The following OGDH variants were observed in gnomAD, a reference collection of about 807,000 sequenced individuals.
OGDH encodes the protein 2-oxoglutarate dehydrogenase complex component E1.
Under a neutral mutation model 116.6 loss-of-function variants are expected in OGDH, and 38 were observed. That is an observed-to-expected ratio of 0.33 (90% CI 0.25 to 0.43). OGDH has a LOEUF of 0.43. OGDH is among the 20% of genes least tolerant of loss of function. The pLI is 1.00. For synonymous variants in OGDH, 488 were observed against 533.3 expected (o/e 0.92, Z 1.17); for missense variants, 825 against 1,357.2 (o/e 0.61, Z 6.16).
At position 44,645,414 on chromosome 7, in the gene OGDH, C is replaced by G; in HGVS notation, c.310C>G (p.Leu104Val). The part of the protein sequence containing the change: ...QSPLPLSRGS[L>V]AAVAHAQSLV... ...TCCCCTTCCCCTGAGCCGAGGCTCC[C>G]TGGCTGCTGTGGCCCATGCACAGTC... Residue 104 changes from leucine to valine, a missense_variant, in exon 3 of 23, where the codon CTG (leucine) becomes GTG (valine). This residue lies in a region of OGDH where 126 missense variants were observed against 130.4 expected (regional missense o/e 0.97). Transcript: ENST00000222673. 1.9e-6 allele frequency: 3 copies of G among 1,614,210 alleles called. No individual in the cohort carries two copies. The highest frequency in any genetic ancestry group is 2.5e-6 in the Non-Finnish European group (3 of 1,180,028).
At chr7:44,613,390 T>G (rs1354849729) in intron 1 of OGDH, among the ~76,000 whole-genome samples, 1 of 152,188 alleles carries the variant, frequency 6.6e-6, no homozygotes, top group Non-Finnish European at 1.5e-5. Flanking sequence ...AGACGGAGTC[T>G]CACTCTGTCA....
At chr7:44,686,171 G>T (rs929896558) in intron 10 of OGDH, among the ~76,000 whole-genome samples, 1 of 151,628 alleles carries the variant, frequency 6.6e-6, no homozygotes, top group Non-Finnish European at 1.5e-5. Flanking sequence ...TATTGCACTG[G>T]CTAGGACCTC....
intron 5 of OGDH, among the ~76,000 whole-genome samples, chr7:44,672,795 A>G (rs1787525896): frequency 6.6e-6 from 1 of 151,712 alleles, no homozygotes; most frequent in Non-Finnish European, 1.5e-5. Context: ...GGCACATGCC[A>G]CCATACCTGG....
intron 1 of OGDH, 130 bp downstream of exon 1, chr7:44,606,783 G>C (rs900647386): frequency 6.6e-6 from 1 of 152,424 alleles, no homozygotes; most frequent in Admixed American, 6.5e-5. Flanking sequence ...GGTGACAGGG[G>C]AGTGGAGCTG....
At chr7:44,666,629 TTTTTGCTCA>T in intron 4 of OGDH, 98 bp from the exon 5 acceptor site, 1 of 478,708 alleles carries the variant, frequency 2.1e-6, no homozygotes, top group South Asian at 6.0e-5. Context: ...TTTTCTTCTC[TTTTTGCTCA>T]CCTGGGGAGT....
At chr7:44,628,923 C>T (rs1785310759) in intron 2 of OGDH, among the ~76,000 whole-genome samples, 1 of 152,130 alleles carries the variant, frequency 6.6e-6, no homozygotes, top group African/African-American at 2.4e-5. Flanking sequence ...GGCCCATCTG[C>T]CATCTCCCTT....
rs1171160610 is a variant in OGDH at position 44,707,674 on chromosome 7, A to G, written c.2889A>G (p.Gln963=). The G allele has an allele frequency of 6.2e-7, 1 of 1,614,080 alleles. No homozygotes were observed. The highest frequency in any genetic ancestry group is 2.2e-5 in the East Asian group (1 of 44,888). Reference sequence around the variant, plus strand: ...GGTGCCAGGAGGAGCACAAGAACCAAGGCTACTATGACTACGTGAAGCCAA... The same window carrying G: ...GGTGCCAGGAGGAGCACAAGAACCAGGGCTACTATGACTACGTGAAGCCAA... ...LAWCQEEHKN[Q]GYYDYVKPRL... The change falls in exon 22 of 23, where the codon CAA becomes CAG. Residue 963 remains glutamine, a synonymous_variant. Coordinates refer to ENST00000222673, the MANE Select transcript of OGDH (RefSeq NM_002541.4). This position sits in a 1 kb window ranked among gnomAD's most constrained non-coding sequence, Gnocchi z 5.2.
At chr7:44,705,752 C>T (rs1402035887) in intron 20 of OGDH, among the ~76,000 whole-genome samples, 1 of 152,094 alleles carries the variant, frequency 6.6e-6, no homozygotes, top group Non-Finnish European at 1.5e-5. Flanking sequence ...ATTTCCTCTT[C>T]TTATTGTTCA....
chr7:44,689,233 T>TTTTTTA, intron 10 of OGDH, among the ~76,000 whole-genome samples: 1 of 142,358 alleles, frequency 7.0e-6, no homozygotes, highest in Non-Finnish European at 1.5e-5. Context: ...TTTTTTTTTT[T>TTTTTTA]GAGACAGGGT....
chr7:44,691,998 A>AAAC (rs1788385908), intron 10 of OGDH, among the ~76,000 whole-genome samples: 1 of 146,532 alleles, frequency 6.8e-6, no homozygotes, highest in African/African-American at 2.5e-5. Context: ...AAAAAAAAAA[A>AAAC]AAAAAAAGTT....
At chr7:44,693,329 G>T (rs1267554028) in intron 10 of OGDH, among the ~76,000 whole-genome samples, 2 of 151,888 alleles carry the variant, frequency 1.3e-5, no homozygotes, top group South Asian at 4.2e-4. Flanking sequence ...AAATTCTTAG[G>T]CTGGGCACAG....
intron 19 of OGDH, 37 bp from the exon 20 acceptor site, chr7:44,701,506 A>T (rs1239308541): frequency 2.5e-6 from 4 of 1,589,346 alleles, no homozygotes; most frequent in Non-Finnish European, 3.5e-6. Context: ...AATCTTCAGA[A>T]TCTGATCCTT....
At chr7:44,661,711 C>G (rs573605255) in intron 4 of OGDH, among the ~76,000 whole-genome samples, 4 of 152,210 alleles carry the variant, frequency 2.6e-5, no homozygotes, top group African/African-American at 9.6e-5. Flanking sequence ...AAGCGATTCT[C>G]CTGCCTCAGC....
At chr7:44,698,481 G>A (rs1264137860) in intron 18 of OGDH, among the ~76,000 whole-genome samples, 2 of 152,148 alleles carry the variant, frequency 1.3e-5, no homozygotes, top group East Asian at 3.9e-4. Flanking sequence ...TGCAGGGACT[G>A]CCTCCATTGG....
intron 10 of OGDH, among the ~76,000 whole-genome samples, chr7:44,685,283 C>T (rs1788082494): frequency 6.6e-6 from 1 of 152,126 alleles, no homozygotes; most frequent in Admixed American, 6.6e-5. Flanking sequence ...CTTCCCTGAC[C>T]CCCAGCCCCT....
intron 2 of OGDH, among the ~76,000 whole-genome samples, chr7:44,640,608 C>T (rs1189133438): frequency 6.6e-6 from 1 of 152,174 alleles, no homozygotes; most frequent in Non-Finnish European, 1.5e-5. Context: ...GACTCTTGAT[C>T]TAAGGTCTTG....
At chr7:44,641,662 T>G (rs2115731489) in intron 2 of OGDH, among the ~76,000 whole-genome samples, 1 of 152,346 alleles carries the variant, frequency 6.6e-6, no homozygotes, top group South Asian at 2.1e-4. Context: ...CCTCAGTTAT[T>G]GGAGGCCTGG....
chr7:44,672,977 G>A (rs7804050), intron 5 of OGDH, among the ~76,000 whole-genome samples: 3,462 of 151,962 alleles, frequency 0.023, 115 homozygotes, highest in African/African-American at 0.078. Flanking sequence ...GCCTCCTCTC[G>A]CTCCTGGCAC....
At chr7:44,643,393 T>G (rs946152799) in intron 2 of OGDH, among the ~76,000 whole-genome samples, 6 of 152,134 alleles carry the variant, frequency 3.9e-5, no homozygotes, top group African/African-American at 1.4e-4. Flanking sequence ...GTTTTAAATA[T>G]TCTACAAAAA....
Sources: allele counts gnomAD v4.1 joint callset (sites outside exome capture counted in the v4.1 genomes callset), GRCh38; gene constraint gnomAD v4.1.1; regional missense constraint gnomAD v4.1.1; non-coding constraint Gnocchi (gnomAD v3.1); transcripts MANE v1.5; gene names NCBI Gene and HGNC (gene_info 2026-07-23, HGNC 2026-07-21).